The following IRAG1 variants were observed in gnomAD, a reference collection of about 807,000 sequenced individuals.
IRAG1 encodes inositol 1,4,5-triphosphate receptor associated 1.
IRAG1 carries 62 observed loss-of-function variants against 106.2 expected under a neutral mutation model. The observed-to-expected ratio is 0.58, with a 90% CI of 0.48 to 0.72. The LOEUF (loss-of-function observed/expected upper bound fraction) is 0.72. IRAG1 is among the 30% of genes least tolerant of loss of function. The probability of loss-of-function intolerance (pLI) is 0.00; values close to 1 mark genes in which losing one functional copy is unlikely to be tolerated. For missense variants in IRAG1, 1,064 were observed against 1,140.7 expected (o/e 0.93, Z 0.97); for synonymous variants, 462 against 443.9 (o/e 1.04, Z -0.51).
intron 1 of IRAG1, 65 bp downstream of exon 1, chr11:10,693,471 A>G (rs577165335): frequency 6.5e-7 from 1 of 1,533,150 alleles, no homozygotes; most frequent in East Asian, 2.4e-5. Flanking sequence ...CCTTTAAGGA[A>G]GAGAAGGTTC....
intron 1 of IRAG1, among the ~76,000 whole-genome samples, chr11:10,691,002 A>G (rs1322671035): frequency 6.6e-6 from 1 of 152,092 alleles, no homozygotes; most frequent in Non-Finnish European, 1.5e-5. Flanking sequence ...CAGTCAGCAA[A>G]CAATCCCTCT....
chr11:10,623,916 C>T, intron 9 of IRAG1, 60 bp from the exon 10 acceptor site: 3 of 1,497,530 alleles, frequency 2.0e-6, no homozygotes, highest in Non-Finnish European at 1.9e-6. Context: ...GGGCTGTTCT[C>T]TTGGCTCTGT....
chr11:10,682,760 A>C (rs1282459018), intron 1 of IRAG1, among the ~76,000 whole-genome samples: 1 of 152,242 alleles, frequency 6.6e-6, no homozygotes, highest in Admixed American at 6.5e-5. Flanking sequence ...GGGTGATGAC[A>C]TTCTTTGAAG....
At chr11:10,678,440 T>G (rs904326075) in intron 1 of IRAG1, among the ~76,000 whole-genome samples, 10 of 152,136 alleles carry the variant, frequency 6.6e-5, no homozygotes, top group African/African-American at 2.4e-4. Context: ...TTCAGACATA[T>G]TATTTAATTT....
chr11:10,591,665 G>C, intron 17 of IRAG1, 53 bp from the exon 18 acceptor site: 1 of 1,466,608 alleles, frequency 6.8e-7, no homozygotes, highest in Non-Finnish European at 9.4e-7. Flanking sequence ...GAAGGAAGAA[G>C]CCAGAGCTGC....
At chr11:10,619,450 C>G (rs1347710314) in intron 10 of IRAG1, among the ~76,000 whole-genome samples, 1 of 152,120 alleles carries the variant, frequency 6.6e-6, no homozygotes, top group Non-Finnish European at 1.5e-5. Flanking sequence ...AGCCTTTTAT[C>G]CTGGGTATGG....
At chr11:10,656,312 C>T (rs574944617) in intron 1 of IRAG1, among the ~76,000 whole-genome samples, 4 of 152,338 alleles carry the variant, frequency 2.6e-5, no homozygotes, top group Non-Finnish European at 5.9e-5. Flanking sequence ...GCTTTTATGA[C>T]TCTACTCATT....
chr11:10,576,746 C>T (rs984357601), intron 20 of IRAG1, among the ~76,000 whole-genome samples, 171 bp from the exon 21 acceptor site: 2 of 152,194 alleles, frequency 1.3e-5, no homozygotes, highest in Non-Finnish European at 2.9e-5. Flanking sequence ...CCCAAGCATA[C>T]TAAATGAGAA....
chr11:10,652,862 T>C (rs1269562529), intron 1 of IRAG1, among the ~76,000 whole-genome samples: 1 of 152,124 alleles, frequency 6.6e-6, no homozygotes, highest in African/African-American at 2.4e-5. Context: ...TCAGCCCTTA[T>C]GGGGACTACA....
At chr11:10,615,132 G>A (rs1855294040) in intron 10 of IRAG1, among the ~76,000 whole-genome samples, 1 of 152,198 alleles carries the variant, frequency 6.6e-6, no homozygotes, top group Non-Finnish European at 1.5e-5. Flanking sequence ...GATATGAACA[G>A]ACACTTCTCA....
chr11:10,602,064 A>G (rs555861585), intron 14 of IRAG1, among the ~76,000 whole-genome samples: 64 of 152,348 alleles, frequency 4.2e-4, no homozygotes, highest in African/African-American at 1.4e-3. Context: ...TCGCAGGAAC[A>G]GGTCCCACAG....
chr11:10,657,693 A>T lies in IRAG1; in HGVS notation c.68-5511T>A, dbSNP rs1487910959. ...AGAATGTGAAAGAGATTAGGTTGCT[A>T]TTAATACCACGGGTCTATCTCTAGA... On this transcript the variant is annotated intron_variant, in intron 1 of 20. Coordinates refer to ENST00000423302, the MANE Select transcript of IRAG1 (RefSeq NM_130385.4). The surrounding 1 kb of genome is among the most constrained non-coding windows in gnomAD (Gnocchi z 4.1). Among the ~76,000 whole-genome samples, 1 of 152,154 alleles carries T rather than the reference A, an allele frequency of 6.6e-6. No individual in the cohort carries two copies. Among genetic ancestry groups the T allele is most frequent in the East Asian group, 1.9e-4 (1 of 5,192 alleles).
chr11:10,627,667 T>C lies in IRAG1; in HGVS notation c.750+49A>G, dbSNP rs570867601. On this transcript the variant is annotated intron_variant, in intron 8 of 20. Coordinates refer to ENST00000423302, the MANE Select transcript of IRAG1 (RefSeq NM_130385.4). ...GAGCCAGCCTAGGCTTCTAGGAGAC[T>C]GTGCCCCCCACACTCAAATCATCCA... is the stretch of plus-strand genomic sequence containing the variant. 5.0e-6 allele frequency: 8 copies of C among 1,608,204 alleles called. No homozygotes were observed. The African/African-American group carries it at 6.7e-5, about 13-fold the overall frequency.
At position 10,611,286 on chromosome 11, in the gene IRAG1, C is replaced by T. The variant is rs926226964; in HGVS notation, c.1448-1435G>A. On this transcript the variant is annotated intron_variant, in intron 10 of 20. Coordinates refer to ENST00000423302, the MANE Select transcript of IRAG1 (RefSeq NM_130385.4). ...TACCTGTTACCTCTCTGGTTCTGTCCTGGTATTTATAGCTCTCTGACAAGG... is the reference window on the plus strand; with the variant it reads ...TACCTGTTACCTCTCTGGTTCTGTCTTGGTATTTATAGCTCTCTGACAAGG... Among the ~76,000 whole-genome samples the T allele has an allele frequency of 2.0e-5, 3 of 152,108 alleles. No homozygotes were observed. The East Asian group carries it at 5.8e-4, about 29-fold the overall frequency.
chr11:10,689,720 A>T (rs1861918150), intron 1 of IRAG1, among the ~76,000 whole-genome samples: 1 of 152,238 alleles, frequency 6.6e-6, no homozygotes, highest in South Asian at 2.1e-4. Flanking sequence ...CTTTAATGAT[A>T]TGGAAAAAGG....
intron 10 of IRAG1, among the ~76,000 whole-genome samples, chr11:10,613,275 A>C (rs564431121): frequency 0.017 from 2,555 of 152,034 alleles, 80 homozygotes; most frequent in African/African-American, 0.059. Flanking sequence ...AAAAAAAAAA[A>C]AAACCCAGAC....
chr11:10,613,102 A>T (rs1291531315), intron 10 of IRAG1, among the ~76,000 whole-genome samples: 1 of 152,182 alleles, frequency 6.6e-6, no homozygotes, highest in East Asian at 1.9e-4. Flanking sequence ...TGACCCATCT[A>T]TGCATTATGT....
At chr11:10,606,639 T>G in intron 12 of IRAG1, 103 bp downstream of exon 12, 1 of 1,207,866 alleles carries the variant, frequency 8.3e-7, no homozygotes, top group South Asian at 1.6e-5. Flanking sequence ...TCTTTCTCAT[T>G]TTTGTCTAAA....
chr11:10,621,257 C>G (rs1279395987), intron 10 of IRAG1, among the ~76,000 whole-genome samples: 1 of 152,124 alleles, frequency 6.6e-6, no homozygotes, highest in Non-Finnish European at 1.5e-5. Context: ...TTCTGGGAAC[C>G]TTCTTATTAA....
Sources: gnomAD v4.1 joint callset for allele counts (sites outside exome capture counted in the v4.1 genomes callset) on GRCh38, gnomAD v4.1.1 for gene constraint, Gnocchi (gnomAD v3.1) non-coding constraint, MANE v1.5 for transcripts, NCBI Gene and HGNC (gene_info 2026-07-23, HGNC 2026-07-21) for gene names.